Variants in MAGI1 observed in about 807,000 individuals in gnomAD.
MAGI1 encodes membrane-associated guanylate kinase, WW and PDZ domain-containing protein 1.
Under a neutral mutation model 139.9 loss-of-function variants are expected in MAGI1, and 58 were observed. That is an observed-to-expected ratio of 0.41 (90% CI 0.34 to 0.52). MAGI1 has a LOEUF of 0.52. MAGI1 is among the 20% of genes least tolerant of loss of function. MAGI1 has a pLI of 0.12. For missense variants in MAGI1, 1,874 were observed against 1,901.6 expected, an observed-to-expected ratio of 0.99 and a Z score of 0.27; for synonymous variants, 812 against 737.9, an observed-to-expected ratio of 1.10 and a Z score of -1.63.
intron 1 of MAGI1, among the ~76,000 whole-genome samples, chr3:65,762,046 C>T (rs1349442587): frequency 3.3e-5 from 5 of 151,886 alleles, no homozygotes; most frequent in African/African-American, 1.2e-4. Flanking sequence ...AGGAGGTCAG[C>T]AGGGTGGGGG....
intron 1 of MAGI1, among the ~76,000 whole-genome samples, chr3:65,650,124 T>C (rs941507265): frequency 1.3e-5 from 2 of 152,180 alleles, no homozygotes; most frequent in African/African-American, 2.4e-5. Flanking sequence ...TGGTTCCTCA[T>C]AAAAGGATGA....
chr3:65,943,586 A>T (rs1022161688), intron 1 of MAGI1, among the ~76,000 whole-genome samples: 6 of 151,814 alleles, frequency 4.0e-5, no homozygotes, highest in Admixed American at 3.9e-4. Flanking sequence ...AAAAAAAAAA[A>T]CTTCTCAGGA....
intron 1 of MAGI1, among the ~76,000 whole-genome samples, chr3:65,900,397 T>C (rs264676): frequency 0.16 from 24,588 of 152,104 alleles, 2,150 homozygotes; most frequent in East Asian, 0.24. Flanking sequence ...GTGATAAAGG[T>C]GTGAGCAAAA....
rs114372223 is a variant in MAGI1, at chr3:65,527,155, T to G, written c.431-33524A>C. 6.4e-3 allele frequency among the ~76,000 whole-genome samples: 980 copies of G among 152,362 alleles called. 7 individuals carry two copies. The highest frequency in any genetic ancestry group is 0.011 in the Non-Finnish European group (717 of 68,040). ...TGCAGAGGATGAGCAACAGCTCCTT[T>G]GTCACACCAGTGGCTCCTTTTAGGA... On this transcript the variant is annotated intron_variant, in intron 2 of 22. Coordinates refer to ENST00000402939, the MANE Select transcript of MAGI1 (RefSeq NM_001033057.2).
At chr3:65,474,102 C>CA (rs1479379789) in intron 4 of MAGI1, among the ~76,000 whole-genome samples, 4 of 152,024 alleles carry the variant, frequency 2.6e-5, no homozygotes, top group Non-Finnish European at 4.4e-5. Flanking sequence ...CACATATCTA[C>CA]AAAAAATTAA....
intron 12 of MAGI1, among the ~76,000 whole-genome samples, chr3:65,427,270 C>T (rs1382015016): frequency 2.0e-5 from 3 of 152,102 alleles, no homozygotes; most frequent in Non-Finnish European, 4.4e-5. Flanking sequence ...TGAGATGGCA[C>T]CACTGCACTC....
chr3:66,011,063 G>A (rs2067296666), intron 1 of MAGI1, among the ~76,000 whole-genome samples: 1 of 152,194 alleles, frequency 6.6e-6, no homozygotes, highest in South Asian at 2.1e-4. Context: ...ATCCCTGGCT[G>A]GGGAATATAA....
At chr3:65,403,284 G>A (rs1205843838) in intron 12 of MAGI1, among the ~76,000 whole-genome samples, 2 of 152,196 alleles carry the variant, frequency 1.3e-5, no homozygotes, top group Non-Finnish European at 2.9e-5. Flanking sequence ...CAGAAAGGAA[G>A]TGGTATAGTT....
intron 1 of MAGI1, among the ~76,000 whole-genome samples, chr3:65,951,701 C>G (rs1002321826): frequency 2.6e-5 from 4 of 152,156 alleles, no homozygotes; most frequent in Admixed American, 2.0e-4. Context: ...TTGGACAGAA[C>G]AGCTCTAGAG....
chr3:65,596,238 G>A (rs1166037977), intron 2 of MAGI1, among the ~76,000 whole-genome samples: 1 of 152,088 alleles, frequency 6.6e-6, no homozygotes, highest in Admixed American at 6.6e-5. Context: ...ATGTCATTCC[G>A]TGGGTTACCA....
intron 1 of MAGI1, among the ~76,000 whole-genome samples, chr3:65,642,752 C>G (rs2085051356): frequency 1.3e-5 from 2 of 152,118 alleles, no homozygotes; most frequent in Admixed American, 1.3e-4. Flanking sequence ...CAGGCTTGAG[C>G]AGAAAATAGC....
At chr3:65,646,623 A>C (rs1383485491) in intron 1 of MAGI1, among the ~76,000 whole-genome samples, 2 of 152,122 alleles carry the variant, frequency 1.3e-5, no homozygotes, top group Non-Finnish European at 2.9e-5. Flanking sequence ...CCCACAGAAC[A>C]TATACCAAGA....
chr3:65,805,875 G>T (rs1255203433), intron 1 of MAGI1, among the ~76,000 whole-genome samples: 1 of 152,102 alleles, frequency 6.6e-6, no homozygotes, highest in Non-Finnish European at 1.5e-5. Flanking sequence ...CTCATAATTG[G>T]GAGCTGAACA....
At chr3:65,480,892 A>G (rs1951240489) in intron 3 of MAGI1, among the ~76,000 whole-genome samples, 2 of 152,090 alleles carry the variant, frequency 1.3e-5, no homozygotes, top group Non-Finnish European at 2.9e-5. Flanking sequence ...CTGGCCAATA[A>G]GGTTTCTTTT....
chr3:65,756,200 G>T (rs959797344), intron 1 of MAGI1, among the ~76,000 whole-genome samples: 1 of 152,120 alleles, frequency 6.6e-6, no homozygotes, highest in Non-Finnish European at 1.5e-5. Flanking sequence ...TTTCCACTTA[G>T]TGGATCCCTG....
intron 13 of MAGI1, among the ~76,000 whole-genome samples, chr3:65,396,900 G>A (rs753422549): frequency 6.6e-6 from 1 of 152,174 alleles, no homozygotes; most frequent in Non-Finnish European, 1.5e-5. Context: ...CCAAAAAGGT[G>A]GGCGAGAGGA....
At chr3:65,759,145 G>T (rs556981436) in intron 1 of MAGI1, among the ~76,000 whole-genome samples, 2 of 147,546 alleles carry the variant, frequency 1.4e-5, no homozygotes, top group South Asian at 4.4e-4. Context: ...AGTGTCTCCC[G>T]ATGGGTTAGC....
At chr3:65,432,153 T>A (rs1947503494) in intron 10 of MAGI1, among the ~76,000 whole-genome samples, 1 of 152,194 alleles carries the variant, frequency 6.6e-6, no homozygotes. Context: ...TAGGCACTTC[T>A]CTGTAATTGA....
At chr3:65,745,309 C>T (rs1395134820) in intron 1 of MAGI1, among the ~76,000 whole-genome samples, 1 of 151,964 alleles carries the variant, frequency 6.6e-6, no homozygotes, top group Non-Finnish European at 1.5e-5. Flanking sequence ...ACAGACAGTG[C>T]CCCCAGAATG....
Sources: allele counts gnomAD v4.1 joint callset (sites outside exome capture counted in the v4.1 genomes callset), GRCh38; gene constraint gnomAD v4.1.1; transcripts MANE v1.5; gene names NCBI Gene and HGNC (gene_info 2026-07-23, HGNC 2026-07-21).